Variants in ADAM17 observed in about 807,000 individuals in gnomAD.
The protein encoded by ADAM17 is ADAM metallopeptidase domain 17.
ADAM17 carries 39 observed loss-of-function variants against 96.7 expected under a neutral mutation model. That is an observed-to-expected ratio of 0.40 (90% confidence interval 0.31 to 0.53). The LOEUF is 0.53. Ranked by LOEUF, ADAM17 falls within the 20% of genes least tolerant of loss-of-function variation. The probability of loss-of-function intolerance (pLI) is 0.44; values close to 1 mark genes in which losing one functional copy is unlikely to be tolerated. For synonymous variants in ADAM17, 344 were observed against 359.2 expected, an observed-to-expected ratio of 0.96 and a Z score of 0.48; for missense variants, 777 against 1,013.2, an observed-to-expected ratio of 0.77 and a Z score of 3.17.
chr2:9,490,341 G>C lies in ADAM17; in HGVS notation c.2311C>G (p.His771Asp). 1.2e-6 allele frequency: 2 copies of C among 1,614,162 alleles called. No homozygotes were observed. The highest frequency in any genetic ancestry group is 1.7e-6 in the Non-Finnish European group (2 of 1,180,042). The change falls in exon 19 of 19, where the codon CAT becomes GAT. Residue 771 changes from histidine (H) to aspartate (D), a missense_variant. Coordinates refer to ENST00000310823, the MANE Select transcript of ADAM17 (RefSeq NM_003183.6). ...TTCTCAAACCCATCCTCGTCCATATGTGAGTCTGTGCTGGGGTCTTCCTGG... is the reference window on the plus strand; with the variant it reads ...TTCTCAAACCCATCCTCGTCCATATCTGAGTCTGTGCTGGGGTCTTCCTGG... The part of the protein sequence containing the change: ...TIQEDPSTDS[H>D]MDEDGFEKDP...
At chr2:9,538,013 A>AGG (rs1558522837) in intron 2 of ADAM17, among the ~76,000 whole-genome samples, 10 of 14,348 alleles carry the variant, frequency 7.0e-4, no homozygotes, top group African/African-American at 2.3e-3. Context: ...AAGGGAGGGG[A>AGG]GGAGAGGGGA....
chr2:9,529,933 C>T (rs554453691), intron 4 of ADAM17, among the ~76,000 whole-genome samples: 2 of 152,124 alleles, frequency 1.3e-5, no homozygotes, highest in South Asian at 2.1e-4. Flanking sequence ...CACTGCACTC[C>T]AGCCTGGGTG....
intron 3 of ADAM17, 133 bp downstream of exon 3, chr2:9,536,565 G>A: frequency 8.1e-7 from 1 of 1,239,264 alleles, no homozygotes; most frequent in Non-Finnish European, 1.1e-6. Context: ...ATACCTCAAA[G>A]AAAAGTCAAA....
In ADAM17 at chr2:9,521,232, C is replaced by A; in HGVS notation, c.928G>T (p.Asp310Tyr). The change falls in exon 8 of 19, where the codon GAT (aspartate) becomes TAT (tyrosine). Residue 310 changes from aspartate to tyrosine, a missense_variant. Physicochemically the swap from Asp to Tyr is radical, Grantham distance 160. Transcript: ENST00000310823. ...AGCAACATCTTCACATCCCAAGCAT[C>A]CTTTTCTTCATTTGGGTAACTTTTT... is the stretch of plus-strand genomic sequence containing the variant. ...MAKSYPNEEKDAWDVKMLLEQ... is the reference protein window; with the variant it reads ...MAKSYPNEEKYAWDVKMLLEQ... 6.2e-7 allele frequency: 1 copy of A among 1,610,822 alleles called. No individual in the cohort carries two copies. Among genetic ancestry groups the A allele is most frequent in the Non-Finnish European group, 8.5e-7 (1 of 1,177,232 alleles).
intron 7 of ADAM17, 40 bp from the exon 8 acceptor site, chr2:9,521,356 A>T (rs370013838): frequency 3.2e-5 from 44 of 1,380,986 alleles, no homozygotes; most frequent in Non-Finnish European, 4.5e-5. Flanking sequence ...CACTTCCAAA[A>T]TAAGTCAGAA....
Position 9,489,259 on chromosome 2 carries a change from A to ATTTTTTTTTTTTTTTTTTT in ADAM17, c.*899_*917dup, listed in dbSNP as rs34525911. ...AATATTCTAGGTTTGTAGATAGTGA[A>ATTTTTTTTTTTTTTTTTTT]TTTTTTTTTTTTTTTTTTTTTTTTG... is the stretch of plus-strand genomic sequence containing the variant. On this transcript the variant is annotated 3_prime_UTR_variant, in exon 19 of 19. Coordinates refer to ENST00000310823, the MANE Select transcript of ADAM17 (RefSeq NM_003183.6). 2.5e-4 allele frequency: 22 copies of ATTTTTTTTTTTTTTTTTTT among 87,398 alleles called. 2 individuals are homozygous for ATTTTTTTTTTTTTTTTTTT. The highest frequency in any genetic ancestry group is 1.4e-3 in the African/African-American group (21 of 15,528). 5.4% of individuals were successfully genotyped at this position (87,398 alleles called of 1,614,324 possible).
At chr2:9,541,594 A>G (rs1036560274) in intron 2 of ADAM17, among the ~76,000 whole-genome samples, 1 of 152,114 alleles carries the variant, frequency 6.6e-6, no homozygotes, top group Non-Finnish European at 1.5e-5. Context: ...AAAACAAAAA[A>G]TTGGAAGTTT....
At chr2:9,503,360 AAC>A (rs1255493005) in intron 12 of ADAM17, among the ~76,000 whole-genome samples, 1 of 152,180 alleles carries the variant, frequency 6.6e-6, no homozygotes. Context: ...AAAAAATGAA[AAC>A]CTGGGTAACT....
chr2:9,519,997 G>T (rs564508719), intron 8 of ADAM17, among the ~76,000 whole-genome samples: 5 of 152,192 alleles, frequency 3.3e-5, no homozygotes, highest in Non-Finnish European at 7.3e-5. Context: ...ATTAGACAAG[G>T]TATGAATGAG....
chr2:9,511,170 T>C (rs1389934785), intron 10 of ADAM17, among the ~76,000 whole-genome samples: 3 of 151,940 alleles, frequency 2.0e-5, no homozygotes, highest in Admixed American at 1.3e-4. Flanking sequence ...ACAGTACGGA[T>C]AGGCGCAGTG....
At chr2:9,551,508 G>A (rs1365321900) in intron 1 of ADAM17, among the ~76,000 whole-genome samples, 3 of 152,114 alleles carry the variant, frequency 2.0e-5, no homozygotes, top group African/African-American at 7.2e-5. Flanking sequence ...CGCCCAGGCT[G>A]GAGTGCAGTG....
rs62120347 is a variant in ADAM17 at position 9,488,534 on chromosome 2, A to G, written c.*1643T>C. ...ATGCAGATATCAGTGCTACAGCTAT[A>G]AAATATACCCTGAGCAGCTTGTTAA... On this transcript the variant is annotated 3_prime_UTR_variant, in exon 19 of 19. Coordinates refer to ENST00000310823, the MANE Select transcript of ADAM17 (RefSeq NM_003183.6). The G allele has an allele frequency of 0.026, 10,913 of 422,180 alleles. 206 individuals carry two copies. Among genetic ancestry groups the G allele is most frequent in the Non-Finnish European group, 0.035 (8,345 of 240,424 alleles). 26.2% of individuals were successfully genotyped at this position (422,180 alleles called of 1,614,324 possible).
At chr2:9,555,466 G>A in intron 1 of ADAM17, 43 bp downstream of exon 1, 2 of 1,496,156 alleles carry the variant, frequency 1.3e-6, no homozygotes, top group East Asian at 5.0e-5. Context: ...CCTCAAACGA[G>A]CGCTCCAGGC....
At chr2:9,531,060 C>G (rs1395764955) in intron 4 of ADAM17, among the ~76,000 whole-genome samples, 1 of 152,106 alleles carries the variant, frequency 6.6e-6, no homozygotes, top group Non-Finnish European at 1.5e-5. Context: ...CAGGTTCAAG[C>G]GATTCTCCCA....
rs183792650 is a variant in ADAM17 at position 9,499,615 on chromosome 2, G to A, written c.1649-2367C>T. On this transcript the variant is annotated intron_variant, in intron 13 of 18. Coordinates refer to ENST00000310823, the MANE Select transcript of ADAM17 (RefSeq NM_003183.6). ...CACAGGGTTTCACCGTGTTAGCCAG[G>A]ATGGTCTCGATCTCCTGATCTCGTG... is the stretch of plus-strand genomic sequence containing the variant. 2.5e-3 allele frequency among the ~76,000 whole-genome samples: 382 copies of A among 152,208 alleles called. 2 individuals carry two copies. Among genetic ancestry groups the A allele is most frequent in the African/African-American group, 8.9e-3 (370 of 41,520 alleles).
At chr2:9,548,336 A>C (rs901127050) in intron 1 of ADAM17, among the ~76,000 whole-genome samples, 6 of 152,124 alleles carry the variant, frequency 3.9e-5, no homozygotes, top group Non-Finnish European at 7.4e-5. Context: ...CATCCCCCCC[A>C]AAAAAGAAAG....
intron 13 of ADAM17, among the ~76,000 whole-genome samples, chr2:9,497,964 TAA>T (rs1662731963): frequency 6.6e-6 from 1 of 152,128 alleles, no homozygotes; most frequent in African/African-American, 2.4e-5. Flanking sequence ...TCAAATCTAT[TAA>T]GTTATCTCCA....
intron 12 of ADAM17, among the ~76,000 whole-genome samples, chr2:9,503,977 A>T (rs1005185057): frequency 1.3e-5 from 2 of 151,676 alleles, no homozygotes; most frequent in African/African-American, 4.9e-5. Flanking sequence ...ACATGGCAAA[A>T]CCCCATCTCT....
At chr2:9,509,055 G>A (rs1001777530) in intron 11 of ADAM17, among the ~76,000 whole-genome samples, 4 of 152,116 alleles carry the variant, frequency 2.6e-5, no homozygotes, top group African/African-American at 9.7e-5. Flanking sequence ...ATTTCAGAAA[G>A]CAGGGTGTCA....
Sources: allele counts gnomAD v4.1 joint callset (sites outside exome capture counted in the v4.1 genomes callset), GRCh38; gene constraint gnomAD v4.1.1; transcripts MANE v1.5; gene names NCBI Gene and HGNC (gene_info 2026-07-23, HGNC 2026-07-21).